Variants in CDC42BPA observed in about 807,000 individuals in gnomAD.
CDC42BPA encodes CDC42 binding protein kinase alpha, also known as serine/threonine-protein kinase MRCK alpha.
CDC42BPA carries 80 observed loss-of-function variants against 223.5 expected under a neutral mutation model. That is an observed-to-expected ratio of 0.36 (90% CI 0.30 to 0.43). The LOEUF (loss-of-function observed/expected upper bound fraction) is 0.43. Among genes scored for constraint, CDC42BPA ranks in the 20% least tolerant of loss-of-function variants. CDC42BPA has a pLI of 1.00. For missense variants in CDC42BPA, 1,743 were observed against 2,099.9 expected, an observed-to-expected ratio of 0.83 and a Z score of 3.32; for synonymous variants, 694 against 718.6, an observed-to-expected ratio of 0.97 and a Z score of 0.55.
rs1469198852 is a variant in CDC42BPA at position 226,992,475 on chromosome 1, A to T, written c.*1793T>A. The T allele has an allele frequency of 1.3e-5, 2 of 152,360 alleles. No individual in the cohort carries two copies. The highest frequency in any genetic ancestry group is 6.5e-5 in the Admixed American group (1 of 15,286). 9.4% of individuals were successfully genotyped at this position (152,360 alleles called of 1,614,324 possible). A position where few individuals can be genotyped will look rare whatever the true frequency, so the allele number is the denominator to read the frequency against. On this transcript the variant is annotated 3_prime_UTR_variant, in exon 37 of 37. Coordinates refer to ENST00000366766, the MANE Select transcript of CDC42BPA (RefSeq NM_001394014.1). ...TTCTCCACACAGCAGCATCACCTGG[A>T]AACAGCCTCAGCTCCCTGCACATGC...
At chr1:227,008,621 A>T (rs1664569050) in intron 34 of CDC42BPA, among the ~76,000 whole-genome samples, 1 of 151,992 alleles carries the variant, frequency 6.6e-6, no homozygotes, top group Non-Finnish European at 1.5e-5. Flanking sequence ...TGCACCTGAA[A>T]TGCCTGAGAA....
chr1:227,176,702 T>C (rs1011048614), intron 5 of CDC42BPA, among the ~76,000 whole-genome samples: 1 of 152,174 alleles, frequency 6.6e-6, no homozygotes. Context: ...TAGGTTATAC[T>C]AGAAAATGTA....
At chr1:227,310,679 T>TG (rs1389003922) in intron 1 of CDC42BPA, among the ~76,000 whole-genome samples, 8 of 143,364 alleles carry the variant, frequency 5.6e-5, no homozygotes, top group Non-Finnish European at 1.2e-4. Flanking sequence ...AAGGAGTTTT[T>TG]TTTTTTGTTT....
At chr1:227,250,621 G>T (rs1253429927) in intron 2 of CDC42BPA, among the ~76,000 whole-genome samples, 1 of 149,658 alleles carries the variant, frequency 6.7e-6, no homozygotes, top group Non-Finnish European at 1.5e-5. Flanking sequence ...TTTTGAAACT[G>T]AAGTGTGTGT....
At chr1:227,129,895 T>C (rs1656712327) in intron 10 of CDC42BPA, among the ~76,000 whole-genome samples, 1 of 152,006 alleles carries the variant, frequency 6.6e-6, no homozygotes, top group Admixed American at 6.6e-5. Flanking sequence ...AATGGAGAGT[T>C]AGGCATGTTA....
In CDC42BPA at chr1:227,080,985, G is replaced by A; in HGVS notation, c.2388C>T (p.His796=). ...TAACCTCTTCTTCTAACTGCTGGTT[G>A]TGTATACTTAAGTTCTCATACAAAG... ...LTTLYENLSI[H]NQQLEEEVKD... Residue 796 remains histidine (H), a synonymous_variant, in exon 17 of 37, where the codon CAC becomes CAT. Coordinates refer to ENST00000366766, the MANE Select transcript of CDC42BPA (RefSeq NM_001394014.1). The A allele has an allele frequency of 6.2e-7, 1 of 1,613,476 alleles. No individual in the cohort carries two copies. The highest frequency in any genetic ancestry group is 1.3e-5 in the African/African-American group (1 of 75,014).
At chr1:227,251,368 C>T (rs1413714662) in intron 2 of CDC42BPA, among the ~76,000 whole-genome samples, 1 of 151,670 alleles carries the variant, frequency 6.6e-6, no homozygotes, top group African/African-American at 2.4e-5. Context: ...TTCCATTAAT[C>T]GAAGAAGAAG....
chr1:227,275,634 G>A (rs1347061317), intron 1 of CDC42BPA, among the ~76,000 whole-genome samples: 2 of 135,478 alleles, frequency 1.5e-5, no homozygotes, highest in African/African-American at 5.6e-5. Flanking sequence ...CACTTTCCAT[G>A]GTCTCCCTCT....
chr1:227,200,021 G>A (rs1671441534), intron 3 of CDC42BPA, among the ~76,000 whole-genome samples: 2 of 152,130 alleles, frequency 1.3e-5, no homozygotes. Context: ...ACTCCAAACT[G>A]TGAACCCATT....
chr1:227,264,714 T>C (rs1011044494), intron 1 of CDC42BPA: 3 of 701,780 alleles, frequency 4.3e-6, no homozygotes, highest in African/African-American at 1.8e-5. Flanking sequence ...AGAAATAAAA[T>C]ATATGCCAGT....
intron 8 of CDC42BPA, among the ~76,000 whole-genome samples, chr1:227,143,287 T>C (rs1660039321): frequency 6.6e-6 from 1 of 152,176 alleles, no homozygotes; most frequent in Admixed American, 6.5e-5. Context: ...TATTCTGTAT[T>C]TGCAAATTTG....
At chr1:227,132,780 G>A (rs1306811621) in intron 10 of CDC42BPA, among the ~76,000 whole-genome samples, 3 of 149,764 alleles carry the variant, frequency 2.0e-5, no homozygotes, top group Non-Finnish European at 3.0e-5. Context: ...CCTCTGCCCC[G>A]CCGCCCCGTC....
At chr1:227,213,625 C>T (rs942737584) in intron 2 of CDC42BPA, among the ~76,000 whole-genome samples, 2 of 152,036 alleles carry the variant, frequency 1.3e-5, no homozygotes, top group African/African-American at 4.8e-5. Context: ...AAAATTCCAA[C>T]ACCATGTTAC....
chr1:227,306,099 G>A (rs1259003860), intron 1 of CDC42BPA, among the ~76,000 whole-genome samples: 1 of 149,350 alleles, frequency 6.7e-6, no homozygotes, highest in Non-Finnish European at 1.5e-5. Context: ...AGTATATTAA[G>A]CAGGATGTTG....
intron 8 of CDC42BPA, among the ~76,000 whole-genome samples, chr1:227,145,273 T>G (rs963997703): frequency 1.3e-5 from 2 of 152,244 alleles, no homozygotes; most frequent in African/African-American, 4.8e-5. Flanking sequence ...CTTTGAATTT[T>G]AATTTTGTTC....
chr1:227,031,342 C>A lies in CDC42BPA; in HGVS notation c.3731G>T (p.Ser1244Ile). ...SVYVPKEAYD[S>I]TLPLIKTTQA... ...GGTTGTTTTAATGAGGGGTAGAGTG[C>A]TGTCATAAGCCTCTTTGGGAACATA... Residue 1244 changes from serine (S) to isoleucine (I), a missense_variant, in exon 28 of 37, where the codon AGC becomes ATC. Ser to Ile is a moderately radical substitution (Grantham distance 142, BLOSUM62 -2). This residue lies in a region of CDC42BPA where 678 missense variants were observed against 777.5 expected (regional missense o/e 0.87). Transcript: ENST00000366766. 1 of 1,613,988 alleles carries A rather than the reference C, an allele frequency of 6.2e-7. No homozygotes were observed. Among genetic ancestry groups the A allele is most frequent in the Non-Finnish European group, 8.5e-7 (1 of 1,179,954 alleles).
chr1:227,076,123 G>T (rs1679414352), intron 17 of CDC42BPA, among the ~76,000 whole-genome samples: 1 of 151,778 alleles, frequency 6.6e-6, no homozygotes, highest in South Asian at 2.1e-4. Context: ...GGTTTGGAGG[G>T]CAACTCATGC....
At chr1:227,056,273 A>G (rs577218350) in intron 21 of CDC42BPA, among the ~76,000 whole-genome samples, 14 of 152,276 alleles carry the variant, frequency 9.2e-5, no homozygotes, top group Middle Eastern at 3.4e-3. Context: ...AAACACCAAG[A>G]TGTGATATGG....
At chr1:227,144,574 C>CAAAAAAAAAAAAAAAAAAAAAAAAAA (rs57568297) in intron 8 of CDC42BPA, among the ~76,000 whole-genome samples, 1 of 63,476 alleles carries the variant, frequency 1.6e-5, no homozygotes, top group African/African-American at 6.3e-5. Flanking sequence ...GACTCTGTCT[C>CAAAAAAAAAAAAAAAAAAAAAAAAAA]AAAAAAAAAA....
Sources: gnomAD v4.1 joint callset for allele counts (sites outside exome capture counted in the v4.1 genomes callset) on GRCh38, gnomAD v4.1.1 for gene constraint, gnomAD v4.1.1 regional missense constraint, MANE v1.5 for transcripts, NCBI Gene and HGNC (gene_info 2026-07-23, HGNC 2026-07-21) for gene names.